Variants in KCTD16 observed in about 807,000 individuals in gnomAD.
The protein encoded by KCTD16 is potassium channel tetramerization domain containing 16, also known as BTB/POZ domain-containing protein KCTD16.
Under a neutral mutation model 33.2 loss-of-function variants are expected in KCTD16, and 13 were observed. The ratio of observed to expected loss-of-function variants is 0.39; its 90% CI spans 0.25 to 0.62. The LOEUF (loss-of-function observed/expected upper bound fraction) is 0.62, where lower values mean the gene tolerates loss of function less well. Ranked by LOEUF, KCTD16 falls within the 20% of genes least tolerant of loss-of-function variation. The pLI is 0.50. For synonymous variants in KCTD16, 197 were observed against 195.3 expected, an observed-to-expected ratio of 1.01 and a Z score of -0.07; for missense variants, 441 against 525.1, an observed-to-expected ratio of 0.84 and a Z score of 1.57.
At chr5:144,465,779 C>CTTTTTTTTT (rs780109122) in intron 3 of KCTD16, among the ~76,000 whole-genome samples, 5 of 129,872 alleles carry the variant, frequency 3.8e-5, no homozygotes, top group Admixed American at 8.8e-5. Context: ...CCAAATTTAA[C>CTTTTTTTTT]TTTTTTGTTT....
rs80322648 is a variant in KCTD16, at chr5:144,474,541, G to T, written c.*427G>T. ...CATAAGTTTGGAATTTTTAATTTTG[G>T]TTTTTCCTTTTGTTTATGGGGTTGG... On this transcript the variant is annotated 3_prime_UTR_variant, in exon 4 of 4. Coordinates refer to ENST00000512467, the MANE Select transcript of KCTD16 (RefSeq NM_020768.4). 143 of 164,424 alleles carry T rather than the reference G, an allele frequency of 8.7e-4. No homozygotes were observed. Among genetic ancestry groups the T allele is most frequent in the East Asian group, 8.3e-3 (46 of 5,556 alleles). The allele number at this position is 164,424 out of a possible 1,614,324, so 10.2% of individuals were successfully genotyped here. A position where few individuals can be genotyped will look rare whatever the true frequency, so the allele number is the denominator to read the frequency against.
At chr5:144,408,713 G>A (rs1366723082) in intron 3 of KCTD16, among the ~76,000 whole-genome samples, 4 of 152,006 alleles carry the variant, frequency 2.6e-5, no homozygotes, top group Admixed American at 2.0e-4. Flanking sequence ...TGGCCTACTG[G>A]GCTCTTTGAG....
Position 144,480,849 on chromosome 5 carries a change from C to G in KCTD16, c.*6735C>G, listed in dbSNP as rs887372632. The G allele has an allele frequency of 3.6e-4, 55 of 151,858 alleles. No homozygotes were observed. The highest frequency in any genetic ancestry group is 1.3e-3 in the African/African-American group (55 of 41,488). The allele number at this position is 151,858 out of a possible 1,614,324, so 9.4% of individuals were successfully genotyped here. ...AAATTAAGCATGAGTTTAAATTTGT[C>G]AAGGCATTTTTTTTTCTGTACCATA... On this transcript the variant is annotated 3_prime_UTR_variant, in exon 4 of 4. Coordinates refer to ENST00000512467, the MANE Select transcript of KCTD16 (RefSeq NM_020768.4).
chr5:144,238,431 C>A (rs1203906710), intron 3 of KCTD16, among the ~76,000 whole-genome samples: 1 of 152,014 alleles, frequency 6.6e-6, no homozygotes, highest in Non-Finnish European at 1.5e-5. Flanking sequence ...GTATTAGATC[C>A]CTTTAGTTTG....
intron 3 of KCTD16, among the ~76,000 whole-genome samples, chr5:144,396,998 T>C (rs1350452270): frequency 2.0e-5 from 3 of 151,190 alleles, no homozygotes; most frequent in Non-Finnish European, 2.9e-5. Context: ...TATGTATACA[T>C]GTGCCATGTT....
chr5:144,289,573 C>T (rs1455590400), intron 3 of KCTD16, among the ~76,000 whole-genome samples: 1 of 152,128 alleles, frequency 6.6e-6, no homozygotes, highest in Non-Finnish European at 1.5e-5. Flanking sequence ...TGTTCTTGAG[C>T]CAAGAATCTT....
At chr5:144,418,127 G>A (rs181971505) in intron 3 of KCTD16, among the ~76,000 whole-genome samples, 3 of 152,108 alleles carry the variant, frequency 2.0e-5, no homozygotes, top group Admixed American at 2.0e-4. Flanking sequence ...AGGTTCTCCT[G>A]CCCTCACTGG....
At position 144,228,648 on chromosome 5, in the gene KCTD16, A is replaced by G. The variant is rs553451538; in HGVS notation, c.832+21102A>G. Among the ~76,000 whole-genome samples the G allele has an allele frequency of 1.1e-4, 16 of 152,352 alleles. No homozygotes were observed. In the South Asian group the frequency reaches 2.9e-3, roughly 28 times the overall value. On this transcript the variant is annotated intron_variant, in intron 3 of 3. Transcript: ENST00000512467. ...AAAAAAACAGCATGCTTGTATTTTTATAAGAAGAATTCAGTGGTTAGAGAA... is the reference window on the plus strand; with the variant it reads ...AAAAAAACAGCATGCTTGTATTTTTGTAAGAAGAATTCAGTGGTTAGAGAA...
intron 3 of KCTD16, among the ~76,000 whole-genome samples, chr5:144,407,459 C>T (rs866124711): frequency 2.6e-5 from 4 of 151,254 alleles, no homozygotes; most frequent in African/African-American, 9.7e-5. Context: ...GGGGGTTTAG[C>T]GTACATATTA....
At chr5:144,392,199 G>T (rs919380) in intron 3 of KCTD16, among the ~76,000 whole-genome samples, 113,667 of 152,018 alleles carry the variant, frequency 0.75, 42,892 homozygotes, top group African/African-American at 0.84. Context: ...GCAAGCCAGG[G>T]CAGGAATCAG....
chr5:144,455,038 A>C (rs1319308504), intron 3 of KCTD16, among the ~76,000 whole-genome samples: 1 of 152,086 alleles, frequency 6.6e-6, no homozygotes, highest in Non-Finnish European at 1.5e-5. Flanking sequence ...AAGCTTTGAA[A>C]TAATTGGTAC....
chr5:144,191,393 C>T (rs1289090629), intron 2 of KCTD16, among the ~76,000 whole-genome samples: 1 of 152,182 alleles, frequency 6.6e-6, no homozygotes, highest in African/African-American at 2.4e-5. Flanking sequence ...TTTGCTCCAG[C>T]CAAACTGGAT....
chr5:144,285,777 T>A (rs994678771), intron 3 of KCTD16, among the ~76,000 whole-genome samples: 2 of 152,178 alleles, frequency 1.3e-5, no homozygotes, highest in African/African-American at 4.8e-5. Context: ...TGGTATTTTG[T>A]GATTGGCATT....
At chr5:144,405,484 G>A (rs564301475) in intron 3 of KCTD16, among the ~76,000 whole-genome samples, 1 of 152,318 alleles carries the variant, frequency 6.6e-6, no homozygotes, top group South Asian at 2.1e-4. Flanking sequence ...CTTCAGTAGA[G>A]ATGGAGACCT....
At chr5:144,181,015 C>G (rs900728467) in intron 2 of KCTD16, among the ~76,000 whole-genome samples, 4 of 151,916 alleles carry the variant, frequency 2.6e-5, no homozygotes, top group African/African-American at 9.7e-5. Context: ...TCACTGCAAG[C>G]TCCGCCTCCC....
rs142414232 is a variant in KCTD16, at chr5:144,348,186, T to C, written c.833-125474T>C. ...TTGTTCTGCTCACCAGTTCGCAGACTCTTCTCCCTTCAGCATCTCCCACAA... is the reference window on the plus strand; with the variant it reads ...TTGTTCTGCTCACCAGTTCGCAGACCCTTCTCCCTTCAGCATCTCCCACAA... On this transcript the variant is annotated intron_variant, in intron 3 of 3. Transcript: ENST00000512467. 1.8e-4 allele frequency among the ~76,000 whole-genome samples: 27 copies of C among 152,344 alleles called. No individual in the cohort carries two copies. The East Asian group carries it at 4.4e-3, about 25-fold the overall frequency.
chr5:144,243,417 C>G (rs1432343803), intron 3 of KCTD16, among the ~76,000 whole-genome samples: 2 of 152,146 alleles, frequency 1.3e-5, no homozygotes, highest in African/African-American at 4.8e-5. Context: ...ATTCTATTAT[C>G]TCTTTGTATG....
intron 3 of KCTD16, among the ~76,000 whole-genome samples, chr5:144,233,648 A>G (rs1277567983): frequency 6.6e-6 from 1 of 152,116 alleles, no homozygotes; most frequent in East Asian, 1.9e-4. Flanking sequence ...GTGCTATTAC[A>G]TTATTTGCAC....
At chr5:144,274,273 T>A (rs1039652464) in intron 3 of KCTD16, among the ~76,000 whole-genome samples, 8 of 152,196 alleles carry the variant, frequency 5.3e-5, no homozygotes, top group African/African-American at 1.9e-4. Flanking sequence ...TAGGTTGTGG[T>A]ATTCATGGTA....
Sources: allele counts gnomAD v4.1 joint callset (sites outside exome capture counted in the v4.1 genomes callset), GRCh38; gene constraint gnomAD v4.1.1; transcripts MANE v1.5; gene names NCBI Gene and HGNC (gene_info 2026-07-23, HGNC 2026-07-21).